ARB2A: variants seen among roughly 807,000 people sequenced by gnomAD.
The protein encoded by ARB2A is cotranscriptional regulator ARB2A.
At chr5:93,846,647 T>C in the ARB2A span, among the ~76,000 whole-genome samples, 2 of 152,200 alleles carry the variant, frequency 1.3e-5, no homozygotes, top group African/African-American at 2.4e-5. Flanking sequence ...TGCTATAATT[T>C]AGTCATAAAC....
At chr5:93,669,898 T>C in the ARB2A span, among the ~76,000 whole-genome samples, 1 of 152,296 alleles carries the variant, frequency 6.6e-6, no homozygotes, top group Non-Finnish European at 1.5e-5. Flanking sequence ...TCCTGAAACT[T>C]CTCTCTGATC....
chr5:94,067,441 A>G, the ARB2A span, among the ~76,000 whole-genome samples: 1 of 152,206 alleles, frequency 6.6e-6, no homozygotes, highest in South Asian at 2.1e-4. Flanking sequence ...AAAAACCTAA[A>G]GACTCCACCA....
chr5:94,107,255 C>G, the ARB2A span, among the ~76,000 whole-genome samples: 2 of 152,022 alleles, frequency 1.3e-5, no homozygotes, highest in Non-Finnish European at 2.9e-5. Flanking sequence ...ATGGAGACAA[C>G]AAACAATATT....
At chr5:93,704,524 A>G in the ARB2A span, among the ~76,000 whole-genome samples, 1 of 152,228 alleles carries the variant, frequency 6.6e-6, no homozygotes, top group Non-Finnish European at 1.5e-5. Flanking sequence ...TGATCATGCC[A>G]CTGCATTCCA....
At chr5:93,768,348 A>G in the ARB2A span, among the ~76,000 whole-genome samples, 5 of 149,884 alleles carry the variant, frequency 3.3e-5, no homozygotes, top group East Asian at 2.0e-4. Flanking sequence ...AACCTATGGG[A>G]AAAAAAAACA....
chr5:93,663,716 G>A, the ARB2A span, among the ~76,000 whole-genome samples: 1 of 152,148 alleles, frequency 6.6e-6, no homozygotes, highest in African/African-American at 2.4e-5. Context: ...CATCCTATTT[G>A]TTCAGGTCTT....
chr5:93,734,477 T>A, the ARB2A span: 1 of 152,196 alleles, frequency 6.6e-6, no homozygotes, highest in African/African-American at 2.4e-5. Context: ...ATGAACCATC[T>A]TTAAAGAAAA....
the ARB2A span, among the ~76,000 whole-genome samples, chr5:93,839,999 T>C: frequency 1.1e-4 from 17 of 152,276 alleles, no homozygotes; most frequent in East Asian, 3.1e-3. Context: ...TTGTATGGTT[T>C]TTCATGTCTC....
the ARB2A span, among the ~76,000 whole-genome samples, chr5:93,780,774 G>A: frequency 2.0e-5 from 3 of 151,846 alleles, no homozygotes; most frequent in Admixed American, 6.6e-5. Flanking sequence ...TGTCCAGGCT[G>A]GATTGAACCC....
At chr5:93,997,614 A>C in the ARB2A span, among the ~76,000 whole-genome samples, 1 of 151,996 alleles carries the variant, frequency 6.6e-6, no homozygotes, top group Non-Finnish European at 1.5e-5. Context: ...AAATGCATCA[A>C]TTGTAACTCC....
the ARB2A span, among the ~76,000 whole-genome samples, chr5:93,647,514 C>T: frequency 2.0e-5 from 3 of 152,076 alleles, no homozygotes; most frequent in East Asian, 5.8e-4. Context: ...GCATGAGCCA[C>T]CACACCCAGC....
chr5:93,995,789 T>G, the ARB2A span, among the ~76,000 whole-genome samples: 57 of 152,284 alleles, frequency 3.7e-4, no homozygotes, highest in Admixed American at 5.9e-4. Context: ...GACAAGAGGG[T>G]AAATCTCACG....
At chr5:94,050,902 G>T in the ARB2A span, 2 of 1,054,784 alleles carry the variant, frequency 1.9e-6, no homozygotes, top group Non-Finnish European at 2.7e-6. Context: ...GTACAACAAA[G>T]AATGTCTGAT....
the ARB2A span, among the ~76,000 whole-genome samples, chr5:93,632,035 G>T: frequency 2.0e-5 from 3 of 152,268 alleles, no homozygotes; most frequent in African/African-American, 7.2e-5. Context: ...ATTCGTACAT[G>T]CATTCATTGT....
chr5:93,827,038 T>C, the ARB2A span, among the ~76,000 whole-genome samples: 1 of 152,106 alleles, frequency 6.6e-6, no homozygotes. Context: ...CTATTGTGAA[T>C]AGTGCCGCAA....
chr5:94,022,413 G>C, the ARB2A span, among the ~76,000 whole-genome samples: 1 of 152,162 alleles, frequency 6.6e-6, no homozygotes, highest in Admixed American at 6.5e-5. Context: ...TGCATACAAT[G>C]ATGAGACAGA....
chr5:93,740,414 T>C, the ARB2A span: 1 of 725,094 alleles, frequency 1.4e-6, no homozygotes, highest in Non-Finnish European at 2.2e-6. Context: ...AGGTTTTTCT[T>C]GAACAATTCC....
At chr5:93,867,816 T>C in the ARB2A span, among the ~76,000 whole-genome samples, 2 of 152,026 alleles carry the variant, frequency 1.3e-5, no homozygotes, top group Admixed American at 1.3e-4. Context: ...CCTAAATGAG[T>C]CACTAATTAT....
At chr5:93,753,975 A>G in the ARB2A span, among the ~76,000 whole-genome samples, 2 of 152,196 alleles carry the variant, frequency 1.3e-5, no homozygotes, top group Non-Finnish European at 2.9e-5. Flanking sequence ...AATTCAGGTC[A>G]GACAGGAGGG....
Sources: allele counts gnomAD v4.1 joint callset (sites outside exome capture counted in the v4.1 genomes callset), GRCh38; gene constraint gnomAD v4.1.1; transcripts MANE v1.5; gene names NCBI Gene and HGNC (gene_info 2026-07-23, HGNC 2026-07-21).